The following CDK8 variants were observed in gnomAD, a reference collection of about 807,000 sequenced individuals.
CDK8 encodes cyclin-dependent kinase 8.
A neutral mutation model predicts 71.5 loss-of-function variants in CDK8; 29 were observed. The observed-to-expected ratio is 0.41, with a 90% CI of 0.30 to 0.55. CDK8 has a LOEUF of 0.55. Ranked by LOEUF, CDK8 falls within the 20% of genes least tolerant of loss-of-function variation. CDK8 has a pLI of 0.37. For missense variants in CDK8, 288 were observed against 572.6 expected (o/e 0.50, Z 5.07); for synonymous variants, 161 against 192.1 (o/e 0.84, Z 1.34).
In CDK8 at chr13:26,345,634, C is replaced by T. The variant is rs544915324; in HGVS notation, c.205-3438C>T. On this transcript the variant is annotated intron_variant, in intron 2 of 12. Transcript: ENST00000381527. ...CTGAACCTCAATGATCTGCCTGCCT[C>T]GGCCTCCCAAAGTGTTGGGATTACA... 1.1e-4 allele frequency among the ~76,000 whole-genome samples: 17 copies of T among 152,306 alleles called. No individual in the cohort carries two copies. In the South Asian group the frequency reaches 3.1e-3, roughly 28 times the overall value.
At chr13:26,337,448 T>G (rs1873042521) in intron 1 of CDK8, 119 bp from the exon 2 acceptor site, 1 of 365,850 alleles carries the variant, frequency 2.7e-6, no homozygotes, top group Admixed American at 4.8e-5. Context: ...CATTGTATGA[T>G]TATATTGAAT....
chr13:26,266,434 T>C (rs1448502182), intron 1 of CDK8, among the ~76,000 whole-genome samples: 1 of 152,068 alleles, frequency 6.6e-6, no homozygotes, highest in Non-Finnish European at 1.5e-5. Flanking sequence ...AAACCCAAGG[T>C]TGCCATATTG....
chr13:26,266,105 GAT>G (rs1872006441), intron 1 of CDK8, among the ~76,000 whole-genome samples: 1 of 151,866 alleles, frequency 6.6e-6, no homozygotes, highest in Admixed American at 6.6e-5. Flanking sequence ...TGGGCAGCTG[GAT>G]ATTGCCATTC....
intron 2 of CDK8, among the ~76,000 whole-genome samples, chr13:26,347,836 A>G (rs1196234788): frequency 1.3e-5 from 2 of 152,200 alleles, no homozygotes; most frequent in Non-Finnish European, 2.9e-5. Flanking sequence ...ACCTTCATAC[A>G]TTGCAGATGG....
intron 1 of CDK8, among the ~76,000 whole-genome samples, chr13:26,312,815 G>A (rs950741337): frequency 9.2e-5 from 14 of 152,130 alleles, no homozygotes; most frequent in African/African-American, 2.9e-4. Flanking sequence ...TTTCCGGAGT[G>A]TGTGCATAGT....
At chr13:26,317,727 GA>G (rs1369191296) in intron 1 of CDK8, among the ~76,000 whole-genome samples, 1 of 152,062 alleles carries the variant, frequency 6.6e-6, no homozygotes, top group Non-Finnish European at 1.5e-5. Context: ...AGATAAGTTA[GA>G]AAATACCTAG....
At chr13:26,336,629 C>T (rs918089592) in intron 1 of CDK8, among the ~76,000 whole-genome samples, 6 of 149,380 alleles carry the variant, frequency 4.0e-5, no homozygotes, top group African/African-American at 1.5e-4. Flanking sequence ...TCTCGGCTCA[C>T]TGCAAGCTCC....
chr13:26,279,422 G>C (rs1566469193), intron 1 of CDK8, among the ~76,000 whole-genome samples: 1 of 152,016 alleles, frequency 6.6e-6, no homozygotes. Context: ...CATGAACGGT[G>C]GGACAGCCCA....
chr13:26,311,227 C>T (rs760050075), intron 1 of CDK8, among the ~76,000 whole-genome samples: 3 of 152,058 alleles, frequency 2.0e-5, no homozygotes, highest in Non-Finnish European at 4.4e-5. Flanking sequence ...TGCCTTCTTT[C>T]ACCTTAATTC....
chr13:26,266,912 A>C (rs979897050), intron 1 of CDK8, among the ~76,000 whole-genome samples: 2 of 152,160 alleles, frequency 1.3e-5, no homozygotes, highest in Non-Finnish European at 2.9e-5. Flanking sequence ...ATGACTCTTC[A>C]TTGTGATGAA....
intron 1 of CDK8, among the ~76,000 whole-genome samples, chr13:26,263,992 C>G (rs973742760): frequency 1.3e-5 from 2 of 152,060 alleles, no homozygotes; most frequent in Non-Finnish European, 2.9e-5. Flanking sequence ...CGTGATCCGC[C>G]CACCTGGGCC....
intron 9 of CDK8, among the ~76,000 whole-genome samples, chr13:26,399,223 T>C (rs1241084934): frequency 6.6e-6 from 1 of 152,054 alleles, no homozygotes; most frequent in African/African-American, 2.4e-5. Context: ...TTGACCAGGC[T>C]GGTCTCGAAC....
chr13:26,308,052 C>T (rs1874120981), intron 1 of CDK8, among the ~76,000 whole-genome samples: 1 of 152,134 alleles, frequency 6.6e-6, no homozygotes, highest in Non-Finnish European at 1.5e-5. Context: ...AATTAGATTT[C>T]CCATTAAAAT....
chr13:26,325,615 A>G (rs1874981345), intron 1 of CDK8, among the ~76,000 whole-genome samples: 1 of 152,304 alleles, frequency 6.6e-6, no homozygotes, highest in South Asian at 2.1e-4. Context: ...GACTAGGGGA[A>G]GTAGAACAGA....
intron 4 of CDK8, among the ~76,000 whole-genome samples, chr13:26,378,163 A>G (rs960851221): frequency 1.9e-4 from 29 of 152,340 alleles, no homozygotes; most frequent in African/African-American, 7.0e-4. Flanking sequence ...TCCACTTCCT[A>G]TGTCGGATAG....
intron 1 of CDK8, among the ~76,000 whole-genome samples, chr13:26,268,427 C>T (rs1482825734): frequency 6.6e-6 from 1 of 152,090 alleles, no homozygotes; most frequent in Non-Finnish European, 1.5e-5. Context: ...CCCATTCTCC[C>T]ACCTCAGCCT....
At chr13:26,335,472 T>C (rs1454629277) in intron 1 of CDK8, among the ~76,000 whole-genome samples, 1 of 152,146 alleles carries the variant, frequency 6.6e-6, no homozygotes, top group Non-Finnish European at 1.5e-5. Flanking sequence ...CCGGTAAATC[T>C]GTGTCTTCAG....
intron 1 of CDK8, among the ~76,000 whole-genome samples, chr13:26,267,741 CAG>C (rs1216905207): frequency 1.3e-5 from 2 of 152,132 alleles, no homozygotes; most frequent in Non-Finnish European, 2.9e-5. Flanking sequence ...TTCATTGAAA[CAG>C]AACTGCAATA....
chr13:26,279,078 T>C (rs567206222), intron 1 of CDK8, among the ~76,000 whole-genome samples: 2 of 151,862 alleles, frequency 1.3e-5, no homozygotes, highest in South Asian at 2.1e-4. Flanking sequence ...CCATAGATAT[T>C]GAAGAGGGCT....
Sources: allele counts gnomAD v4.1 joint callset (sites outside exome capture counted in the v4.1 genomes callset), GRCh38; gene constraint gnomAD v4.1.1; transcripts MANE v1.5; gene names NCBI Gene and HGNC (gene_info 2026-07-23, HGNC 2026-07-21).